Variants in TNFRSF10B observed in about 807,000 individuals in gnomAD.
The protein encoded by TNFRSF10B is TNF receptor superfamily member 10b.
A neutral mutation model predicts 41.4 loss-of-function variants in TNFRSF10B; 35 were observed. The observed-to-expected ratio is 0.85, with a 90% CI of 0.65 to 1.12. The LOEUF is 1.12. TNFRSF10B is among the 50% of genes most tolerant of loss of function. The pLI is 0.00. For missense variants in TNFRSF10B, 584 were observed against 552.7 expected, an observed-to-expected ratio of 1.06 and a Z score of -0.57; for synonymous variants, 230 against 215.5, an observed-to-expected ratio of 1.07 and a Z score of -0.59.
chr8:23,050,171 A>T (rs1196219631), intron 1 of TNFRSF10B, among the ~76,000 whole-genome samples: 1 of 152,242 alleles, frequency 6.6e-6, no homozygotes, highest in Non-Finnish European at 1.5e-5. Context: ...TGCCAAGGGA[A>T]GCAACAGGGC....
intron 2 of TNFRSF10B, among the ~76,000 whole-genome samples, chr8:23,041,826 A>G (rs1289202526): frequency 6.6e-6 from 1 of 152,108 alleles, no homozygotes; most frequent in African/African-American, 2.4e-5. Context: ...AAGTTCTCCA[A>G]CTGCTCCTGC....
Position 23,027,320 on chromosome 8 carries a change from G to A in TNFRSF10B, c.781-32C>T, listed in dbSNP as rs138029000. 600 of 1,613,422 alleles carry A rather than the reference G, an allele frequency of 3.7e-4. 4 individuals carry two copies. In the African/African-American group the frequency reaches 6.7e-3, roughly 18 times the overall value. On this transcript the variant is annotated intron_variant, in intron 6 of 8. Coordinates refer to ENST00000276431, the MANE Select transcript of TNFRSF10B (RefSeq NM_003842.5). ...AAAGACATTGGGAAGGCAAAAAGCC[G>A]ACTCAGGAGTCCACACCTAGGGCTC...
At chr8:23,053,715 G>C (rs1015202457) in intron 1 of TNFRSF10B, among the ~76,000 whole-genome samples, 1 of 152,076 alleles carries the variant, frequency 6.6e-6, no homozygotes, top group South Asian at 2.1e-4. Context: ...ATTAAAATTG[G>C]GTAAATGTGT....
chr8:23,029,420 G>A lies in TNFRSF10B; in HGVS notation c.476+190C>T, dbSNP rs117395492. 4.2e-3 allele frequency among the ~76,000 whole-genome samples: 643 copies of A among 152,214 alleles called. 1 individual carries two copies. Among genetic ancestry groups the A allele is most frequent in the Middle Eastern group, 0.024 (7 of 294 alleles). On this transcript the variant is annotated intron_variant, in intron 4 of 8. Transcript: ENST00000276431. ...CAAGTCAGCCTGGTCAAGGGGACTCGTGCTGGGGAGGGGTGGAAAGAGGCT... is the reference window on the plus strand; with the variant it reads ...CAAGTCAGCCTGGTCAAGGGGACTCATGCTGGGGAGGGGTGGAAAGAGGCT...
intron 7 of TNFRSF10B, 67 bp from the exon 8 acceptor site, chr8:23,024,327 C>A: frequency 6.3e-7 from 1 of 1,582,516 alleles, no homozygotes. Flanking sequence ...CTGACCCCGA[C>A]CACCAGCCAG....
rs75251637 is a variant in TNFRSF10B at position 23,067,455 on chromosome 8, A to C, written c.144+1296T>G. On this transcript the variant is annotated intron_variant, in intron 1 of 8. Transcript: ENST00000276431. ...AATTCTTTATAGAGATAAAAAAAAA[A>C]CCCCACAACAGAGCAAACAAACCAA... Among the ~76,000 whole-genome samples the C allele has an allele frequency of 7.7e-3, 1,164 of 151,768 alleles. 13 individuals are homozygous for C. The highest frequency in any genetic ancestry group is 0.026 in the African/African-American group (1,080 of 41,386).
chr8:23,024,439 G>T (rs1280080753), intron 7 of TNFRSF10B, among the ~76,000 whole-genome samples, 179 bp from the exon 8 acceptor site: 2 of 152,110 alleles, frequency 1.3e-5, no homozygotes, highest in African/African-American at 4.8e-5. Flanking sequence ...GGCCGATACA[G>T]CAGTCAATAT....
chr8:23,058,210 G>A (rs745473811), intron 1 of TNFRSF10B, among the ~76,000 whole-genome samples: 31 of 152,084 alleles, frequency 2.0e-4, no homozygotes, highest in Non-Finnish European at 3.8e-4. Flanking sequence ...TCTCGCCACT[G>A]CACTCCAGCC....
chr8:23,057,085 G>A (rs1366731393), intron 1 of TNFRSF10B, among the ~76,000 whole-genome samples: 2 of 149,038 alleles, frequency 1.3e-5, no homozygotes, highest in African/African-American at 2.5e-5. Flanking sequence ...GCCCAGGCTG[G>A]ATGGAGTGCA....
In TNFRSF10B at chr8:23,022,021, G is replaced by T. The variant is rs1385836578; in HGVS notation, c.*650C>A. 4.4e-6 allele frequency: 2 copies of T among 451,030 alleles called. No individual in the cohort carries two copies. The highest frequency in any genetic ancestry group is 8.9e-6 in the Non-Finnish European group (2 of 224,588). 27.9% of individuals were successfully genotyped at this position (451,030 alleles called of 1,614,324 possible). A position where few individuals can be genotyped will look rare whatever the true frequency, so the allele number is the denominator to read the frequency against. ...CGCCTCTAATTCCACCGCTTTGGGAGTCTGAGGTGGGCAGACTGCTTGAGT... is the reference window on the plus strand; with the variant it reads ...CGCCTCTAATTCCACCGCTTTGGGATTCTGAGGTGGGCAGACTGCTTGAGT... On this transcript the variant is annotated 3_prime_UTR_variant, in exon 9 of 9. Transcript: ENST00000276431.
chr8:23,027,010 C>T (rs914513544), intron 7 of TNFRSF10B, 123 bp downstream of exon 7: 1 of 1,474,178 alleles, frequency 6.8e-7, no homozygotes, highest in African/African-American at 1.4e-5. Flanking sequence ...CCTGCAGTCC[C>T]CTGGCTCCTT....
chr8:23,022,530 G>T lies in TNFRSF10B; in HGVS notation c.*141C>A. The T allele has an allele frequency of 1.2e-6, 1 of 852,770 alleles. No individual in the cohort carries two copies. Among genetic ancestry groups the T allele is most frequent in the Non-Finnish European group, 1.9e-6 (1 of 518,034 alleles). 52.8% of individuals were successfully genotyped at this position (852,770 alleles called of 1,614,324 possible). ...AAAGTTACAGGATGTTCCATCCACT[G>T]GGTGATGTTGGATGGGAGAGTTTCT... is the stretch of plus-strand genomic sequence containing the variant. On this transcript the variant is annotated 3_prime_UTR_variant, in exon 9 of 9. Coordinates refer to ENST00000276431, the MANE Select transcript of TNFRSF10B (RefSeq NM_003842.5).
Position 23,022,902 on chromosome 8 carries a change from C to T in TNFRSF10B, c.1092G>A (p.Met364Ile), listed in dbSNP as rs760712948. ...CTTTAGCCACCTTTATCTCATTGTC[C>T]ATGAGGCCCAACTTCCTCATGAGCG... ...WEPLMRKLGL[M>I]DNEIKVAKAE... The change falls in exon 9 of 9, where the codon ATG becomes ATA. Residue 364 changes from methionine to isoleucine, a missense_variant. Transcript: ENST00000276431. 3.1e-6 allele frequency: 5 copies of T among 1,614,096 alleles called. No individual in the cohort carries two copies. The South Asian group carries it at 5.5e-5, about 18-fold the overall frequency.
At chr8:23,042,411 G>A (rs915483788) in intron 2 of TNFRSF10B, among the ~76,000 whole-genome samples, 3 of 152,194 alleles carry the variant, frequency 2.0e-5, no homozygotes, top group Admixed American at 2.0e-4. Flanking sequence ...TACACATGGG[G>A]GAAAAGGGGG....
chr8:23,052,563 C>G (rs769186247), intron 1 of TNFRSF10B, among the ~76,000 whole-genome samples: 7 of 151,620 alleles, frequency 4.6e-5, no homozygotes, highest in Non-Finnish European at 7.4e-5. Context: ...TGGGATTACA[C>G]GCGTGAGCCA....
At chr8:23,036,248 G>A (rs1250400712) in intron 2 of TNFRSF10B, among the ~76,000 whole-genome samples, 10 of 152,170 alleles carry the variant, frequency 6.6e-5, no homozygotes, top group Admixed American at 6.5e-4. Context: ...GGCACATACA[G>A]CCTAAAGTTT....
chr8:23,030,755 G>A lies in TNFRSF10B; in HGVS notation c.364+4C>T. 6.2e-7 allele frequency: 1 copy of A among 1,608,418 alleles called. No individual in the cohort carries two copies. The highest frequency in any genetic ancestry group is 8.5e-7 in the Non-Finnish European group (1 of 1,176,280). ...TTTAGGCATGGGGTCCATATGTTCT[G>A]TACCTGAATCACACCTGGTGCAGCG... On this transcript the variant is annotated splice_donor_region_variant and intron_variant, in intron 3 of 8. Transcript: ENST00000276431.
chr8:23,021,686 A>G lies in TNFRSF10B; in HGVS notation c.*985T>C, dbSNP rs1377103267. The G allele has an allele frequency of 2.2e-6, 1 of 454,164 alleles. No individual in the cohort carries two copies. Among genetic ancestry groups the G allele is most frequent in the Admixed American group, 2.3e-5 (1 of 42,580 alleles). 28.1% of individuals were successfully genotyped at this position (454,164 alleles called of 1,614,324 possible). On this transcript the variant is annotated 3_prime_UTR_variant, in exon 9 of 9. Coordinates refer to ENST00000276431, the MANE Select transcript of TNFRSF10B (RefSeq NM_003842.5). ...ATCCAGTTCTCTTTGGTCCCGACTC[A>G]TATGTAAACAACTACCTATAAATAA... is the stretch of plus-strand genomic sequence containing the variant.
At chr8:23,023,124 G>C (rs113647475) in intron 8 of TNFRSF10B, 140 bp from the exon 9 acceptor site, 5 of 1,093,694 alleles carry the variant, frequency 4.6e-6, no homozygotes, top group Non-Finnish European at 5.4e-6. Flanking sequence ...GTGCCCACCC[G>C]CTTCCCATCC....
Sources: allele counts gnomAD v4.1 joint callset (sites outside exome capture counted in the v4.1 genomes callset), GRCh38; gene constraint gnomAD v4.1.1; transcripts MANE v1.5; gene names NCBI Gene and HGNC (gene_info 2026-07-23, HGNC 2026-07-21).